Variants in VPS13C observed in about 807,000 individuals in gnomAD.
The protein encoded by VPS13C is intermembrane lipid transfer protein VPS13C.
In VPS13C, 358 loss-of-function variants were observed where a neutral mutation model predicts 456.8. The observed-to-expected ratio is 0.78, with a 90% CI of 0.72 to 0.86. The LOEUF (loss-of-function observed/expected upper bound fraction) is 0.86, where lower values mean the gene tolerates loss of function less well. VPS13C is among the 40% of genes least tolerant of loss of function. The pLI is 0.00. For synonymous variants in VPS13C, 1,578 were observed against 1,486.7 expected (o/e 1.06, Z -1.41); for missense variants, 4,818 against 4,385.4 (o/e 1.10, Z -2.79).
At chr15:61,931,330 C>G in intron 49 of VPS13C, 71 bp from the exon 50 acceptor site, 1 of 1,419,518 alleles carries the variant, frequency 7.0e-7, no homozygotes, top group Non-Finnish European at 9.3e-7. Flanking sequence ...AAACATATTA[C>G]TTAATTCAAA....
Position 61,977,079 on chromosome 15 carries a change from T to C in VPS13C, c.2408+3A>G, listed in dbSNP as rs2045724321. 1 of 1,583,712 alleles carries C rather than the reference T, an allele frequency of 6.3e-7. No individual in the cohort carries two copies. Among genetic ancestry groups the C allele is most frequent in the Non-Finnish European group, 8.6e-7 (1 of 1,160,486 alleles). ...TCTAATATAAAAGAAGTTTATACAT[T>C]ACCTGGCCATTCTAATGTCTTTTTC... On this transcript the variant is annotated splice_donor_region_variant and intron_variant, in intron 24 of 84. Transcript: ENST00000644861.
chr15:61,944,744 C>G (rs1456472647), intron 45 of VPS13C, among the ~76,000 whole-genome samples: 1 of 152,060 alleles, frequency 6.6e-6, no homozygotes, highest in East Asian at 1.9e-4. Flanking sequence ...ATGTAGCAAG[C>G]CTGCCCATGT....
intron 1 of VPS13C, among the ~76,000 whole-genome samples, chr15:62,046,096 C>T (rs757852356): frequency 6.6e-6 from 1 of 151,616 alleles, no homozygotes; most frequent in African/African-American, 2.4e-5. Context: ...AATAAATTGT[C>T]GAAAACTATA....
At chr15:61,904,956 TTGA>T (rs772874751) in intron 66 of VPS13C, among the ~76,000 whole-genome samples, 12 of 151,192 alleles carry the variant, frequency 7.9e-5, no homozygotes, top group Admixed American at 2.6e-4. Context: ...TTATAGAGAG[TTGA>T]TGTTGGTTAC....
rs942140887 is a variant in VPS13C, at chr15:61,946,201, G to A, written c.4980+106C>T. The A allele has an allele frequency of 2.3e-6, 2 of 872,494 alleles. 1 individual carries two copies. The highest frequency in any genetic ancestry group is 4.2e-5 in the South Asian group (2 of 47,284). 54.0% of individuals were successfully genotyped at this position (872,494 alleles called of 1,614,324 possible). A position where few individuals can be genotyped will look rare whatever the true frequency, so the allele number is the denominator to read the frequency against. ...TTTCATCTCCAATTCCTAATAAAGTGCCTGGTACATGACAGATAATAAATG... is the reference window on the plus strand; with the variant it reads ...TTTCATCTCCAATTCCTAATAAAGTACCTGGTACATGACAGATAATAAATG... On this transcript the variant is annotated intron_variant, in intron 44 of 84. Transcript: ENST00000644861.
chr15:61,974,265 T>C lies in VPS13C; in HGVS notation c.2538+23A>G, dbSNP rs547681723. On this transcript the variant is annotated intron_variant, in intron 25 of 84. Transcript: ENST00000644861. ...CTCTAAAACAATAAAAATAGGGTTA[T>C]ACATTTTATTGTATCTATTTACCTG... 8 of 1,603,110 alleles carry C rather than the reference T, an allele frequency of 5.0e-6. No homozygotes were observed. The South Asian group carries it at 7.8e-5, about 16-fold the overall frequency.
At chr15:61,929,362 G>A (rs948061833) in intron 51 of VPS13C, 139 bp downstream of exon 51, 6 of 1,219,000 alleles carry the variant, frequency 4.9e-6, no homozygotes, top group Non-Finnish European at 6.6e-6. Context: ...AAACTAAAAA[G>A]CTAAAGTTTT....
At chr15:61,956,399 G>C (rs916517643) in intron 37 of VPS13C, among the ~76,000 whole-genome samples, 3 of 151,936 alleles carry the variant, frequency 2.0e-5, no homozygotes, top group Admixed American at 6.6e-5. Flanking sequence ...TGGGTAATGG[G>C]ATCATTTGTA....
chr15:61,934,061 T>C (rs993341304), intron 49 of VPS13C, among the ~76,000 whole-genome samples, 158 bp downstream of exon 49: 4 of 152,154 alleles, frequency 2.6e-5, no homozygotes, highest in Admixed American at 6.5e-5. Flanking sequence ...AAAGTGAAGA[T>C]AGAGGGCAGG....
chr15:62,046,940 T>C lies in VPS13C; in HGVS notation c.101-2685A>G, dbSNP rs540811833. 2.4e-4 allele frequency among the ~76,000 whole-genome samples: 37 copies of C among 152,280 alleles called. No homozygotes were observed. The South Asian group carries it at 7.0e-3, about 29-fold the overall frequency. On this transcript the variant is annotated intron_variant, in intron 1 of 84. Transcript: ENST00000644861. ...GGTAGAATTAAAGATAGCTTTTTTA[T>C]TGATGTTTTTCAGTATTTTCTAGTT...
Position 61,962,760 on chromosome 15 carries a change from C to CGACA in VPS13C, c.3423_3424insTGTC (p.Val1142CysfsTer4). 6.3e-7 allele frequency: 1 copy of CGACA among 1,594,360 alleles called. No homozygotes were observed. Among genetic ancestry groups the CGACA allele is most frequent in the Non-Finnish European group, 8.6e-7 (1 of 1,167,966 alleles). The stretch of plus-strand genomic sequence containing the variant: ...TTACAATCACCTACTTTCTTATGAA[C>CGACA]TGTCTTTGGATCAACATCTGTGACA... On this transcript the variant is annotated frameshift_variant, in exon 33 of 85. Coordinates refer to ENST00000644861, the MANE Select transcript of VPS13C (RefSeq NM_020821.3). LOFTEE classifies it high-confidence loss of function.
intron 15 of VPS13C, among the ~76,000 whole-genome samples, chr15:62,001,072 A>C (rs763663373): frequency 1.3e-5 from 2 of 152,214 alleles, no homozygotes; most frequent in Non-Finnish European, 2.9e-5. Context: ...AATTAGGCTA[A>C]AGTAGAAACT....
chr15:61,866,284 T>C (rs1214144822), intron 81 of VPS13C: 4 of 983,596 alleles, frequency 4.1e-6, no homozygotes, highest in Non-Finnish European at 4.8e-6. Flanking sequence ...TTAAAAGTTG[T>C]CTGATATCTT....
At chr15:61,921,631 A>T (rs978821416) in intron 55 of VPS13C, among the ~76,000 whole-genome samples, 1 of 152,148 alleles carries the variant, frequency 6.6e-6, no homozygotes, top group East Asian at 1.9e-4. Flanking sequence ...TAACTATTTT[A>T]AAAATACAGT....
At chr15:62,057,557 G>A (rs1301092930) in intron 1 of VPS13C, among the ~76,000 whole-genome samples, 1 of 152,206 alleles carries the variant, frequency 6.6e-6, no homozygotes, top group Non-Finnish European at 1.5e-5. Flanking sequence ...AAGCTTTACA[G>A]AGGCAGAGTT....
chr15:61,972,585 C>A (rs372284601), intron 27 of VPS13C, 40 bp downstream of exon 27: 41 of 1,596,330 alleles, frequency 2.6e-5, no homozygotes, highest in Non-Finnish European at 3.4e-5. Context: ...AAGATAGTGA[C>A]AGCCAGAATA....
At chr15:61,917,715 C>G in intron 59 of VPS13C, 80 bp from the exon 60 acceptor site, 1 of 1,441,148 alleles carries the variant, frequency 6.9e-7, no homozygotes, top group South Asian at 1.4e-5. Flanking sequence ...TTCCTGACAA[C>G]TCTACAAGAT....
At chr15:61,873,109 T>G (rs1331364576) in intron 78 of VPS13C, 137 bp downstream of exon 78, 9 of 1,338,958 alleles carry the variant, frequency 6.7e-6, no homozygotes, top group Non-Finnish European at 9.1e-6. Flanking sequence ...AAAAGGAAAC[T>G]GGGAAGTCCA....
intron 66 of VPS13C, among the ~76,000 whole-genome samples, chr15:61,896,581 C>A (rs1215644690): frequency 6.6e-6 from 1 of 152,270 alleles, no homozygotes; most frequent in Non-Finnish European, 1.5e-5. Context: ...TTATATCCCG[C>A]ACCTGGCTCG....
Sources: gnomAD v4.1 joint callset for allele counts (sites outside exome capture counted in the v4.1 genomes callset) on GRCh38, gnomAD v4.1.1 for gene constraint, MANE v1.5 for transcripts, NCBI Gene and HGNC (gene_info 2026-07-23, HGNC 2026-07-21) for gene names.